The following CNTNAP2 variants were observed in gnomAD, a reference collection of about 807,000 sequenced individuals.
CNTNAP2 encodes the protein contactin-associated protein-like 2.
CNTNAP2 carries 98 observed loss-of-function variants against 155.2 expected under a neutral mutation model. The ratio of observed to expected loss-of-function variants is 0.63; its 90% CI spans 0.54 to 0.75. The LOEUF (loss-of-function observed/expected upper bound fraction) is 0.75. CNTNAP2 is among the 30% of genes least tolerant of loss of function. The probability of loss-of-function intolerance (pLI) is 0.00; values close to 1 mark genes in which losing one functional copy is unlikely to be tolerated. For missense variants in CNTNAP2, 1,727 were observed against 1,688.1 expected (o/e 1.02, Z -0.40); for synonymous variants, 651 against 631.2 (o/e 1.03, Z -0.47).
At chr7:147,865,464 T>A (rs184226254) in intron 13 of CNTNAP2, among the ~76,000 whole-genome samples, 42 of 152,280 alleles carry the variant, frequency 2.8e-4, no homozygotes, top group African/African-American at 9.4e-4. Flanking sequence ...GGAGGATTCC[T>A]TCTTTTTCTA....
chr7:148,146,455 G>C (rs1276235695), intron 16 of CNTNAP2, among the ~76,000 whole-genome samples: 1 of 152,216 alleles, frequency 6.6e-6, no homozygotes, highest in Non-Finnish European at 1.5e-5. Flanking sequence ...TGTGAAATTA[G>C]AAAGCTACTT....
At chr7:146,417,033 T>C (rs1411055514) in intron 1 of CNTNAP2, among the ~76,000 whole-genome samples, 1 of 152,128 alleles carries the variant, frequency 6.6e-6, no homozygotes, top group Admixed American at 6.6e-5. Flanking sequence ...AATATTATGC[T>C]GTGGACTCAC....
chr7:147,956,609 C>T (rs1440718489), intron 14 of CNTNAP2, among the ~76,000 whole-genome samples: 1 of 152,172 alleles, frequency 6.6e-6, no homozygotes, highest in Non-Finnish European at 1.5e-5. Context: ...TACCTAGACC[C>T]TGAAATGACC....
intron 1 of CNTNAP2, among the ~76,000 whole-genome samples, chr7:146,744,321 C>T (rs780735714): frequency 4.8e-5 from 7 of 145,352 alleles, no homozygotes; most frequent in Non-Finnish European, 1.1e-4. Flanking sequence ...ATTAAACTTA[C>T]ATTAGATGTA....
intron 1 of CNTNAP2, among the ~76,000 whole-genome samples, chr7:146,725,120 C>T (rs1157497138): frequency 6.6e-6 from 1 of 150,696 alleles, no homozygotes; most frequent in African/African-American, 2.5e-5. Context: ...ACTCCAGTCT[C>T]GGCCTCCATG....
intron 3 of CNTNAP2, among the ~76,000 whole-genome samples, chr7:146,896,827 AATT>A (rs1795886876): frequency 6.6e-6 from 1 of 152,102 alleles, no homozygotes; most frequent in Non-Finnish European, 1.5e-5. Context: ...TAACTAGTAA[AATT>A]ATAATGTTTA....
intron 13 of CNTNAP2, among the ~76,000 whole-genome samples, chr7:147,890,567 G>A (rs1359575091): frequency 2.6e-5 from 4 of 152,296 alleles, no homozygotes; most frequent in African/African-American, 7.2e-5. Context: ...ATTATTGATA[G>A]TAGCCCAGAT....
chr7:148,178,261 A>G (rs183301972), intron 18 of CNTNAP2, among the ~76,000 whole-genome samples: 1 of 152,286 alleles, frequency 6.6e-6, no homozygotes, highest in East Asian at 1.9e-4. Flanking sequence ...CCAAACCAGG[A>G]CTGCAGTTGA....
At position 147,078,940 on chromosome 7, in the gene CNTNAP2, A is replaced by T. The variant is rs574751920; in HGVS notation, c.551-29207A>T. Among the ~76,000 whole-genome samples, 177 of 151,976 alleles carry T rather than the reference A, an allele frequency of 1.2e-3. 1 individual carries two copies. The highest frequency in any genetic ancestry group is 4.1e-3 in the African/African-American group (169 of 41,490). On this transcript the variant is annotated intron_variant, in intron 4 of 23. Coordinates refer to ENST00000361727, the MANE Select transcript of CNTNAP2 (RefSeq NM_014141.6). Reference sequence around the variant, plus strand: ...AATTTTTTTTATTTTCAGTAGAGACAGGGTTTCACCATGTTGGCCAGGTTG... The same window carrying T: ...AATTTTTTTTATTTTCAGTAGAGACTGGGTTTCACCATGTTGGCCAGGTTG...
intron 7 of CNTNAP2, among the ~76,000 whole-genome samples, chr7:147,130,767 A>G (rs1801336367): frequency 6.6e-6 from 1 of 152,054 alleles, no homozygotes; most frequent in South Asian, 2.1e-4. Flanking sequence ...CTCATTATGC[A>G]TTGACTCCAA....
At chr7:147,042,791 G>A (rs1430567703) in intron 3 of CNTNAP2, among the ~76,000 whole-genome samples, 2 of 151,894 alleles carry the variant, frequency 1.3e-5, no homozygotes, top group African/African-American at 2.4e-5. Context: ...ATTTAAATCT[G>A]AAAGTTAATA....
chr7:146,217,026 G>C (rs802538), intron 1 of CNTNAP2, among the ~76,000 whole-genome samples: 106,275 of 152,102 alleles, frequency 0.7, 38,001 homozygotes, highest in East Asian at 0.94. Flanking sequence ...AATATCATCA[G>C]TGCTACATTT....
At chr7:147,655,225 C>G (rs1434075063) in intron 13 of CNTNAP2, among the ~76,000 whole-genome samples, 1 of 152,128 alleles carries the variant, frequency 6.6e-6, no homozygotes, top group African/African-American at 2.4e-5. Flanking sequence ...TGGATTCAAG[C>G]AATTCTCCTG....
At chr7:147,020,975 A>G (rs13227357) in intron 3 of CNTNAP2, among the ~76,000 whole-genome samples, 7,738 of 152,278 alleles carry the variant, frequency 0.051, 251 homozygotes, top group African/African-American at 0.086. Context: ...TGATTAAAAT[A>G]AATGAGGCAA....
chr7:147,426,426 C>T (rs1797378851), intron 10 of CNTNAP2, among the ~76,000 whole-genome samples: 3 of 152,080 alleles, frequency 2.0e-5, no homozygotes, highest in African/African-American at 4.8e-5. Context: ...CTTCTCTGAC[C>T]GTGGATCTCA....
At chr7:148,089,506 A>G (rs1803797641) in intron 15 of CNTNAP2, among the ~76,000 whole-genome samples, 1 of 151,980 alleles carries the variant, frequency 6.6e-6, no homozygotes, top group Non-Finnish European at 1.5e-5. Flanking sequence ...CTATATATTA[A>G]CATGAATTAT....
intron 1 of CNTNAP2, among the ~76,000 whole-genome samples, chr7:146,147,909 G>A (rs1476730916): frequency 1.3e-5 from 2 of 152,030 alleles, no homozygotes; most frequent in African/African-American, 2.4e-5. Flanking sequence ...TTTTAAATAT[G>A]CCCTGTTGAT....
chr7:146,744,030 C>T (rs1332166469), intron 1 of CNTNAP2, among the ~76,000 whole-genome samples: 1 of 151,784 alleles, frequency 6.6e-6, no homozygotes, highest in Non-Finnish European at 1.5e-5. Flanking sequence ...AGTTTGAGAC[C>T]AGCCTTGCCA....
At chr7:146,639,037 T>C (rs891658004) in intron 1 of CNTNAP2, among the ~76,000 whole-genome samples, 1 of 152,166 alleles carries the variant, frequency 6.6e-6, no homozygotes, top group African/African-American at 2.4e-5. Context: ...AAAGGTACAG[T>C]AAAAATATGG....
Sources: gnomAD v4.1 joint callset for allele counts (sites outside exome capture counted in the v4.1 genomes callset) on GRCh38, gnomAD v4.1.1 for gene constraint, MANE v1.5 for transcripts, NCBI Gene and HGNC (gene_info 2026-07-23, HGNC 2026-07-21) for gene names.